Variants in CNTN3 observed in about 807,000 individuals in gnomAD.
The protein encoded by CNTN3 is contactin-3.
CNTN3 carries 60 observed loss-of-function variants against 119.1 expected under a neutral mutation model. The ratio of observed to expected loss-of-function variants is 0.50; its 90% CI spans 0.41 to 0.62. The LOEUF (loss-of-function observed/expected upper bound fraction) is 0.62, where lower values mean the gene tolerates loss of function less well. Among genes scored for constraint, CNTN3 ranks in the 20% least tolerant of loss-of-function variants. CNTN3 has a pLI of 0.00. For synonymous variants in CNTN3, 450 were observed against 438.7 expected (o/e 1.03, Z -0.32); for missense variants, 1,101 against 1,242.4 (o/e 0.89, Z 1.71).
chr3:74,455,171 CA>C (rs1702244008), intron 4 of CNTN3, among the ~76,000 whole-genome samples: 1 of 152,130 alleles, frequency 6.6e-6, no homozygotes, highest in Non-Finnish European at 1.5e-5. Context: ...GGTCTTTTCA[CA>C]TAGTCCCATA....
intron 4 of CNTN3, among the ~76,000 whole-genome samples, chr3:74,445,370 C>A (rs1421412742): frequency 2.0e-5 from 3 of 152,178 alleles, no homozygotes; most frequent in East Asian, 1.9e-4. Context: ...TCAACCAATT[C>A]TCCTGCCTCA....
chr3:74,269,374 A>G (rs1481965465), intron 20 of CNTN3, among the ~76,000 whole-genome samples: 1 of 152,122 alleles, frequency 6.6e-6, no homozygotes, highest in Non-Finnish European at 1.5e-5. Context: ...CACCACTGGT[A>G]AGAATGACAA....
chr3:74,291,482 T>C (rs1702228904), intron 19 of CNTN3, among the ~76,000 whole-genome samples: 1 of 152,152 alleles, frequency 6.6e-6, no homozygotes, highest in Admixed American at 6.5e-5. Context: ...CCACACTGTC[T>C]TCCACAATGG....
At chr3:74,297,115 G>C (rs1702354286) in intron 18 of CNTN3, among the ~76,000 whole-genome samples, 1 of 152,120 alleles carries the variant, frequency 6.6e-6, no homozygotes, top group South Asian at 2.1e-4. Flanking sequence ...TTGCATGTCT[G>C]TTGAATGAGA....
chr3:74,300,832 GT>G (rs1162775480), intron 16 of CNTN3, among the ~76,000 whole-genome samples: 2 of 152,164 alleles, frequency 1.3e-5, no homozygotes, highest in East Asian at 3.9e-4. Flanking sequence ...ACACTTTCTA[GT>G]TTGAGTTTTA....
At chr3:74,407,630 C>T (rs992027781) in intron 5 of CNTN3, among the ~76,000 whole-genome samples, 3 of 151,902 alleles carry the variant, frequency 2.0e-5, no homozygotes, top group Admixed American at 6.6e-5. Flanking sequence ...AAACTTGCTT[C>T]TTAAAATAGC....
intron 13 of CNTN3, among the ~76,000 whole-genome samples, chr3:74,324,533 G>A (rs1228026306): frequency 1.3e-5 from 2 of 152,190 alleles, no homozygotes; most frequent in African/African-American, 4.8e-5. Context: ...TTGAAGGCTT[G>A]TGGTGAAACA....
intron 17 of CNTN3, among the ~76,000 whole-genome samples, 175 bp downstream of exon 17, chr3:74,299,693 A>T (rs1221415740): frequency 2.6e-5 from 4 of 152,134 alleles, no homozygotes; most frequent in Admixed American, 2.6e-4. Flanking sequence ...CACCAGCCCC[A>T]CTACCACTAA....
chr3:74,373,855 A>G (rs1704403067), intron 5 of CNTN3, among the ~76,000 whole-genome samples: 1 of 152,186 alleles, frequency 6.6e-6, no homozygotes, highest in Non-Finnish European at 1.5e-5. Flanking sequence ...AATTAAAATC[A>G]TTTTAAGGCT....
intron 6 of CNTN3, 124 bp downstream of exon 6, chr3:74,371,072 G>T (rs1559568247): frequency 3.0e-6 from 2 of 677,510 alleles, no homozygotes; most frequent in Non-Finnish European, 2.6e-6. Flanking sequence ...TCATAAAATA[G>T]TCTGTGCCAA....
chr3:74,606,185 G>C (rs111786119), intron 1 of CNTN3, among the ~76,000 whole-genome samples: 62 of 152,164 alleles, frequency 4.1e-4, no homozygotes, highest in African/African-American at 1.4e-3. Flanking sequence ...AAAGAAGAGG[G>C]AGACGGATAC....
At chr3:74,313,955 GC>G (rs1306723748) in intron 13 of CNTN3, among the ~76,000 whole-genome samples, 1 of 152,108 alleles carries the variant, frequency 6.6e-6, no homozygotes, top group African/African-American at 2.4e-5. Flanking sequence ...TGTGGAGATG[GC>G]CAAGCAGTAC....
intron 1 of CNTN3, among the ~76,000 whole-genome samples, chr3:74,608,702 A>C (rs1317188013): frequency 1.3e-5 from 2 of 152,170 alleles, no homozygotes; most frequent in Non-Finnish European, 2.9e-5. Context: ...CCCCACTATA[A>C]CTATAGCTGC....
chr3:74,267,341 G>A lies in CNTN3; in HGVS notation c.2742C>T (p.Ala914=). The change falls in exon 21 of 23, where the codon GCC becomes GCT. Residue 914 remains alanine (A), a synonymous_variant. Coordinates refer to ENST00000263665, the MANE Select transcript of CNTN3 (RefSeq NM_020872.3). ...SQPPGNVVWN[A]TDTKVLLNWE... ...AATTAAGTAACACTTTAGTGTCTGT[G>A]GCATTCCAAACAACATTTCCTGGTG... 6.2e-7 allele frequency: 1 copy of A among 1,613,132 alleles called. No homozygotes were observed. The highest frequency in any genetic ancestry group is 8.5e-7 in the Non-Finnish European group (1 of 1,179,358).
At chr3:74,525,652 C>A (rs1158499207) in intron 1 of CNTN3, among the ~76,000 whole-genome samples, 7 of 151,884 alleles carry the variant, frequency 4.6e-5, no homozygotes, top group Non-Finnish European at 1.0e-4. Context: ...TGCTAATAGA[C>A]ATTTGCATTT....
In CNTN3 at chr3:74,607,765, G is replaced by A. The variant is rs566351624; in HGVS notation, c.-81+6626C>T. Among the ~76,000 whole-genome samples the A allele has an allele frequency of 4.9e-4, 75 of 152,298 alleles. 1 individual carries two copies. The South Asian group carries it at 0.012, about 25-fold the overall frequency. On this transcript the variant is annotated intron_variant, in intron 1 of 22. Transcript: ENST00000263665. ...ATGGAAGTGGAATTTTTCAATGCTAGAATACAGTTGCAAAATTATCACATT... is the reference window on the plus strand; with the variant it reads ...ATGGAAGTGGAATTTTTCAATGCTAAAATACAGTTGCAAAATTATCACATT...
At chr3:74,519,429 A>T (rs1449760201) in intron 2 of CNTN3, among the ~76,000 whole-genome samples, 1 of 151,848 alleles carries the variant, frequency 6.6e-6, no homozygotes, top group African/African-American at 2.4e-5. Flanking sequence ...AATTTCACAT[A>T]ATGTAAAATT....
At chr3:74,334,288 G>A (rs1703336693) in intron 13 of CNTN3, among the ~76,000 whole-genome samples, 1 of 152,144 alleles carries the variant, frequency 6.6e-6, no homozygotes, top group African/African-American at 2.4e-5. Context: ...GCGTCTTACT[G>A]CTAATGTCTG....
chr3:74,311,127 T>A (rs2106837120), intron 13 of CNTN3, among the ~76,000 whole-genome samples: 1 of 152,346 alleles, frequency 6.6e-6, no homozygotes, highest in East Asian at 1.9e-4. Context: ...GTCAGTAGCC[T>A]GTGTGTAAAC....
Sources: gnomAD v4.1 joint callset for allele counts (sites outside exome capture counted in the v4.1 genomes callset) on GRCh38, gnomAD v4.1.1 for gene constraint, MANE v1.5 for transcripts, NCBI Gene and HGNC (gene_info 2026-07-23, HGNC 2026-07-21) for gene names.